ERCC6: variants seen among roughly 807,000 people sequenced by gnomAD.
The protein encoded by ERCC6 is DNA excision repair protein ERCC-6.
In ERCC6, 116 loss-of-function variants were observed where a neutral mutation model predicts 158.7. The observed-to-expected ratio is 0.73, with a 90% CI of 0.63 to 0.85. The LOEUF (loss-of-function observed/expected upper bound fraction) is 0.85. Ranked by LOEUF, ERCC6 falls within the 40% of genes least tolerant of loss-of-function variation. ERCC6 has a pLI of 0.00. For missense variants in ERCC6, 1,698 were observed against 1,799.4 expected (o/e 0.94, Z 1.02); for synonymous variants, 678 against 659.3 (o/e 1.03, Z -0.43).
intron 4 of ERCC6, chr10:49,525,071 G>T: frequency 2.1e-6 from 1 of 484,732 alleles, no homozygotes; most frequent in Non-Finnish European, 3.3e-6. Context: ...TATAAATACA[G>T]TTATAAATAG....
At chr10:49,466,475 A>C (rs1850676772) in intron 18 of ERCC6, among the ~76,000 whole-genome samples, 1 of 152,162 alleles carries the variant, frequency 6.6e-6, no homozygotes, top group Admixed American at 6.5e-5. Context: ...TGCTTTTTGG[A>C]GCTTATTAGA....
Position 49,471,040 on chromosome 10 carries a change from T to A in ERCC6, c.3005A>T (p.Tyr1002Phe). 1 of 1,614,108 alleles carries A rather than the reference T, an allele frequency of 6.2e-7. No individual in the cohort carries two copies. Among genetic ancestry groups the A allele is most frequent in the Non-Finnish European group, 8.5e-7 (1 of 1,179,990 alleles). The change falls in exon 17 of 21, where the codon TAT becomes TTT. Residue 1002 changes from tyrosine (Y) to phenylalanine (F), a missense_variant. Transcript: ENST00000355832. ...AGGACTAGTCAGAGTAAATAGCTCA[T>A]AGAGATCATTGGATTTGAAAAACCG... ...QRRFFKSNDL[Y>F]ELFTLTSPDA...
chr10:49,469,303 G>A (rs1188289133), intron 18 of ERCC6, among the ~76,000 whole-genome samples: 1 of 152,100 alleles, frequency 6.6e-6, no homozygotes, highest in African/African-American at 2.4e-5. Context: ...ACTTGTAATA[G>A]GTCAAACCAG....
chr10:49,483,318 A>T lies in ERCC6; in HGVS notation c.1992+28T>A, dbSNP rs1244328389. Reference sequence around the variant, plus strand: ...GAATTAATTATTCTTCTCCACTTGGAAATCTCCCTTGTTAAAAGAGGTCAT... The same window carrying T: ...GAATTAATTATTCTTCTCCACTTGGTAATCTCCCTTGTTAAAAGAGGTCAT... On this transcript the variant is annotated intron_variant, in intron 9 of 20. Coordinates refer to ENST00000355832, the MANE Select transcript of ERCC6 (RefSeq NM_000124.4). 11 of 1,611,308 alleles carry T rather than the reference A, an allele frequency of 6.8e-6. No individual in the cohort carries two copies. The African/African-American group carries it at 1.5e-4, about 21-fold the overall frequency.
chr10:49,481,644 C>T (rs1850981722), intron 10 of ERCC6, among the ~76,000 whole-genome samples: 3 of 152,192 alleles, frequency 2.0e-5, no homozygotes, highest in African/African-American at 7.2e-5. Context: ...CCACAAACCA[C>T]CCTATGGCTA....
At chr10:49,516,350 CTCAT>C (rs764955641) in intron 5 of ERCC6, 3 of 1,614,120 alleles carry the variant, frequency 1.9e-6, no homozygotes, top group Non-Finnish European at 2.5e-6. Flanking sequence ...TCATGCATCT[CTCAT>C]TAAGTTTGCT....
At chr10:49,447,399 A>G in the ERCC6 span, among the ~76,000 whole-genome samples, 1 of 151,738 alleles carries the variant, frequency 6.6e-6, no homozygotes, top group Admixed American at 6.6e-5. Context: ...TTAAGAAATC[A>G]CTCCCCAGCT....
intron 12 of ERCC6, among the ~76,000 whole-genome samples, chr10:49,474,736 T>G (rs866426642): frequency 1.3e-5 from 2 of 152,100 alleles, no homozygotes; most frequent in Admixed American, 6.5e-5. Flanking sequence ...TACCTTTAGA[T>G]TATTATTATA....
In ERCC6 at chr10:49,532,986, G is replaced by A; in HGVS notation, c.-14-8C>T. The A allele has an allele frequency of 6.2e-7, 1 of 1,613,042 alleles. No homozygotes were observed. Among genetic ancestry groups the A allele is most frequent in the East Asian group, 2.2e-5 (1 of 44,892 alleles). On this transcript the variant is annotated splice_region_variant and splice_polypyrimidine_tract_variant and intron_variant, in intron 1 of 20. Transcript: ENST00000355832. ...GCATTCTCTACAGACTACCTAAAAGGAAAAAAATTTATAAGCCTTTTCGTT... is the reference window on the plus strand; with the variant it reads ...GCATTCTCTACAGACTACCTAAAAGAAAAAAAATTTATAAGCCTTTTCGTT...
intron 6 of ERCC6, chr10:49,503,644 C>A (rs1851392008): frequency 6.6e-6 from 1 of 152,088 alleles, no homozygotes; most frequent in Non-Finnish European, 1.5e-5. Context: ...TTCAGCTGTG[C>A]CACTAACTGA....
intron 4 of ERCC6, among the ~76,000 whole-genome samples, chr10:49,527,504 G>A (rs61846612): frequency 0.19 from 28,579 of 151,994 alleles, 3,143 homozygotes; most frequent in South Asian, 0.35. Context: ...GTGAAACCCT[G>A]TTTCTACTAA....
intron 10 of ERCC6, among the ~76,000 whole-genome samples, chr10:49,481,463 T>C (rs4253172): frequency 0.033 from 5,022 of 152,292 alleles, 269 homozygotes; most frequent in African/African-American, 0.11. Context: ...AATCTTTTAA[T>C]CTTAAAGGTC....
chr10:49,513,578 C>T (rs988970944), intron 5 of ERCC6, among the ~76,000 whole-genome samples: 6 of 152,126 alleles, frequency 3.9e-5, no homozygotes, highest in Admixed American at 6.5e-5. Context: ...TGGGAGGCCT[C>T]AGGAAACTTA....
rs185363321 is a variant in ERCC6 at position 49,532,492 on chromosome 10, C to T, written c.422+51G>A. ...TAGAGCTTTCCATTACCTGAATATC[C>T]CTGTCATGTTTTACCACCACTTTGA... On this transcript the variant is annotated intron_variant, in intron 2 of 20. Coordinates refer to ENST00000355832, the MANE Select transcript of ERCC6 (RefSeq NM_000124.4). 114 of 1,607,624 alleles carry T rather than the reference C, an allele frequency of 7.1e-5. No homozygotes were observed. The Middle Eastern group carries it at 1.7e-3, about 23-fold the overall frequency.
downstream of ERCC6, among the ~76,000 whole-genome samples, chr10:49,449,942 G>A (rs938729796): frequency 6.6e-6 from 1 of 151,918 alleles, no homozygotes; most frequent in Non-Finnish European, 1.5e-5. Context: ...GCATGCTCAT[G>A]GATCACTACA....
At chr10:49,467,689 G>A (rs990936034) in intron 18 of ERCC6, among the ~76,000 whole-genome samples, 4 of 151,534 alleles carry the variant, frequency 2.6e-5, no homozygotes, top group African/African-American at 4.9e-5. Context: ...GCTCAGCCTC[G>A]CAAGTAGCTG....
At chr10:49,453,886 TA>T (rs1374468118), downstream of ERCC6, among the ~76,000 whole-genome samples, 1 of 152,216 alleles carries the variant, frequency 6.6e-6, no homozygotes, top group African/African-American at 2.4e-5. Context: ...TTTCACTCAC[TA>T]CTTTCAAGGT....
chr10:49,526,678 T>C (rs1310612586), intron 4 of ERCC6, among the ~76,000 whole-genome samples: 1 of 152,212 alleles, frequency 6.6e-6, no homozygotes, highest in East Asian at 1.9e-4. Context: ...TTAGGTCTTT[T>C]GGTATTTTGG....
chr10:49,500,760 C>G, intron 6 of ERCC6, 64 bp from the exon 7 acceptor site: 1 of 1,552,352 alleles, frequency 6.4e-7, no homozygotes, highest in Non-Finnish European at 8.8e-7. Context: ...CAGATCATAA[C>G]AGAAAGTACT....
Sources: gnomAD v4.1 joint callset for allele counts (sites outside exome capture counted in the v4.1 genomes callset) on GRCh38, gnomAD v4.1.1 for gene constraint, MANE v1.5 for transcripts, NCBI Gene and HGNC (gene_info 2026-07-23, HGNC 2026-07-21) for gene names.